CDH13: variants seen among roughly 807,000 people sequenced by gnomAD.
The protein encoded by CDH13 is cadherin 13.
CDH13 carries 24 observed loss-of-function variants against 63.8 expected under a neutral mutation model. The observed-to-expected ratio is 0.38, with a 90% CI of 0.27 to 0.53. The LOEUF (loss-of-function observed/expected upper bound fraction) is 0.53, where lower values mean the gene tolerates loss of function less well. CDH13 is among the 20% of genes least tolerant of loss of function. The probability of loss-of-function intolerance (pLI) is 0.85; values close to 1 mark genes in which losing one functional copy is unlikely to be tolerated. For missense variants in CDH13, 1,049 were observed against 903.1 expected (o/e 1.16, Z -2.07); for synonymous variants, 503 against 355.3 (o/e 1.42, Z -4.67).
At chr16:83,381,142 T>C (rs1287840939) in intron 6 of CDH13, among the ~76,000 whole-genome samples, 1 of 152,204 alleles carries the variant, frequency 6.6e-6, no homozygotes, top group Non-Finnish European at 1.5e-5. Context: ...CCTCAATAGA[T>C]GGTAACAACT....
At chr16:83,361,205 A>G (rs1380015905) in intron 6 of CDH13, among the ~76,000 whole-genome samples, 1 of 152,036 alleles carries the variant, frequency 6.6e-6, no homozygotes, top group Non-Finnish European at 1.5e-5. Context: ...AATTTTTCAT[A>G]TGTTTTTTGG....
At chr16:82,771,209 A>G (rs2035249230) in intron 1 of CDH13, among the ~76,000 whole-genome samples, 1 of 152,212 alleles carries the variant, frequency 6.6e-6, no homozygotes, top group Non-Finnish European at 1.5e-5. Context: ...CTTTGTGTTC[A>G]TTCACTGAAA....
chr16:83,475,351 C>G (rs548120822), intron 6 of CDH13, among the ~76,000 whole-genome samples: 5 of 152,226 alleles, frequency 3.3e-5, no homozygotes, highest in Non-Finnish European at 7.4e-5. Context: ...AACTCTCTGC[C>G]GCTCCTGCAG....
intron 5 of CDH13, among the ~76,000 whole-genome samples, chr16:83,275,300 T>G (rs942447533): frequency 4.6e-5 from 7 of 152,224 alleles, no homozygotes; most frequent in African/African-American, 1.4e-4. Flanking sequence ...TAGATGACAC[T>G]TGAGAAATTA....
At chr16:82,734,432 A>T (rs1043779423) in intron 1 of CDH13, among the ~76,000 whole-genome samples, 2 of 152,186 alleles carry the variant, frequency 1.3e-5, no homozygotes, top group Non-Finnish European at 2.9e-5. Flanking sequence ...GTGTTTGAGG[A>T]GGCAGGTGCG....
intron 1 of CDH13, among the ~76,000 whole-genome samples, chr16:82,746,432 A>C (rs8056472): frequency 0.046 from 6,997 of 152,122 alleles, 530 homozygotes; most frequent in African/African-American, 0.16. Flanking sequence ...ACTGGCAGGG[A>C]AATAGATTCC....
Position 82,873,353 on chromosome 16 carries a change from A to G in CDH13, c.157+14880A>G, listed in dbSNP as rs543671902. ...GACTAAAGAGCCCAAGATCTCACTA[A>G]AAAGTGTCAGTGGTGTTACAATCCT... On this transcript the variant is annotated intron_variant, in intron 2 of 13. Coordinates refer to ENST00000567109, the MANE Select transcript of CDH13 (RefSeq NM_001257.5). Among the ~76,000 whole-genome samples the G allele has an allele frequency of 9.2e-5, 14 of 152,354 alleles. No homozygotes were observed. The South Asian group carries it at 2.7e-3, about 29-fold the overall frequency.
intron 10 of CDH13, among the ~76,000 whole-genome samples, chr16:83,714,311 C>T (rs1366655021): frequency 6.6e-6 from 1 of 152,052 alleles, no homozygotes; most frequent in Admixed American, 6.5e-5. Flanking sequence ...TTTTTATTAT[C>T]GGTAGAAATA....
intron 10 of CDH13, among the ~76,000 whole-genome samples, chr16:83,704,714 A>T (rs1003805818): frequency 1.3e-5 from 2 of 152,268 alleles, no homozygotes; most frequent in African/African-American, 4.8e-5. Context: ...GAAAGCCTTC[A>T]GTGCTCATTT....
chr16:83,198,518 C>A (rs6565153), intron 4 of CDH13, among the ~76,000 whole-genome samples: 65,219 of 152,022 alleles, frequency 0.43, 16,248 homozygotes, highest in African/African-American at 0.69. Context: ...TTCAGATCTC[C>A]AGTCCAGTGT....
At chr16:83,454,987 G>C (rs1326408980) in intron 6 of CDH13, among the ~76,000 whole-genome samples, 1 of 152,152 alleles carries the variant, frequency 6.6e-6, no homozygotes, top group East Asian at 1.9e-4. Flanking sequence ...TGAGATTACA[G>C]GCATGAGTCA....
chr16:82,729,493 T>G (rs1044215588), intron 1 of CDH13, among the ~76,000 whole-genome samples: 2 of 152,172 alleles, frequency 1.3e-5, no homozygotes, highest in African/African-American at 2.4e-5. Context: ...GAAGGAATTT[T>G]TTTTTTTTTC....
At chr16:83,346,156 C>T (rs778156483) in intron 6 of CDH13, among the ~76,000 whole-genome samples, 13 of 152,308 alleles carry the variant, frequency 8.5e-5, no homozygotes, top group Middle Eastern at 3.4e-3. Context: ...AAAGCAAATG[C>T]ACTGCGTGTG....
At chr16:82,786,668 C>A in intron 1 of CDH13, among the ~76,000 whole-genome samples, 1 of 121,878 alleles carries the variant, frequency 8.2e-6, no homozygotes, top group South Asian at 3.3e-4. Flanking sequence ...CCCCACCCCA[C>A]AACAGGGCCC....
At chr16:82,857,372 C>T (rs1444094465) in intron 1 of CDH13, among the ~76,000 whole-genome samples, 1 of 152,222 alleles carries the variant, frequency 6.6e-6, no homozygotes, top group African/African-American at 2.4e-5. Context: ...GGAGCCTCTT[C>T]TCTGTCCCAG....
At chr16:83,554,524 A>T (rs1305737399) in intron 7 of CDH13, among the ~76,000 whole-genome samples, 3 of 152,124 alleles carry the variant, frequency 2.0e-5, no homozygotes, top group African/African-American at 2.4e-5. Flanking sequence ...TTATGTTAAA[A>T]TTTTTTTTAA....
At chr16:83,118,546 A>G (rs566491652) in intron 3 of CDH13, among the ~76,000 whole-genome samples, 9 of 152,312 alleles carry the variant, frequency 5.9e-5, no homozygotes, top group African/African-American at 2.2e-4. Context: ...TAGGCCATCC[A>G]CAGCCGAATT....
At chr16:83,789,461 C>A (rs1916114422) in intron 13 of CDH13, among the ~76,000 whole-genome samples, 1 of 151,950 alleles carries the variant, frequency 6.6e-6, no homozygotes, top group South Asian at 2.1e-4. Context: ...ATTCTCCTGC[C>A]TCAGCCTCTG....
At chr16:83,365,989 C>T (rs1395948868) in intron 6 of CDH13, among the ~76,000 whole-genome samples, 1 of 152,180 alleles carries the variant, frequency 6.6e-6, no homozygotes, top group African/African-American at 2.4e-5. Flanking sequence ...CTGTGAACCC[C>T]ACGGAGGTCA....
Sources: allele counts gnomAD v4.1 joint callset (sites outside exome capture counted in the v4.1 genomes callset), GRCh38; gene constraint gnomAD v4.1.1; transcripts MANE v1.5; gene names NCBI Gene and HGNC (gene_info 2026-07-23, HGNC 2026-07-21).